TMOD1: variants seen among roughly 807,000 people sequenced by gnomAD.
The protein encoded by TMOD1 is tropomodulin-1.
Under a neutral mutation model 40.6 loss-of-function variants are expected in TMOD1, and 17 were observed. The ratio of observed to expected loss-of-function variants is 0.42; its 90% CI spans 0.29 to 0.63. The LOEUF (loss-of-function observed/expected upper bound fraction) is 0.63. Ranked by LOEUF, TMOD1 falls within the 20% of genes least tolerant of loss-of-function variation. The pLI, the probability that TMOD1 is intolerant of heterozygous loss-of-function variation, is 0.22. For synonymous variants in TMOD1, 181 were observed against 175.0 expected (o/e 1.03, Z -0.27); for missense variants, 391 against 447.6 (o/e 0.87, Z 1.14).
In TMOD1 at chr9:97,546,166, C is replaced by G. The variant is rs1018713459; in HGVS notation, c.121-19C>G. The G allele has an allele frequency of 1.9e-6, 3 of 1,594,910 alleles. No individual in the cohort carries two copies. ...TCTCTCTTTCTCTCTCTCCTGCCCC[C>G]CCACAACCTCCAATGTAGAATGCAC... On this transcript the variant is annotated intron_variant, in intron 2 of 9. Coordinates refer to ENST00000259365, the MANE Select transcript of TMOD1 (RefSeq NM_003275.4).
chr9:97,507,446 C>T (rs1829607156), intron 1 of TMOD1, among the ~76,000 whole-genome samples: 1 of 152,220 alleles, frequency 6.6e-6, no homozygotes, highest in Non-Finnish European at 1.5e-5. Context: ...AAAAAATAAA[C>T]TACATGACCA....
rs140570053 is a variant in TMOD1 at position 97,559,886 on chromosome 9, A to C, written c.398-2846A>C. 6.0e-3 allele frequency among the ~76,000 whole-genome samples: 842 copies of C among 141,172 alleles called. 6 individuals are homozygous for C. Among genetic ancestry groups the C allele is most frequent in the Non-Finnish European group, 9.5e-3 (631 of 66,208 alleles). The allele number at this position is 141,172 out of a possible 152,430, so 92.6% of individuals were successfully genotyped here. A position where few individuals can be genotyped will look rare whatever the true frequency, so the allele number is the denominator to read the frequency against. On this transcript the variant is annotated intron_variant, in intron 4 of 9. Transcript: ENST00000259365. ...TCTGATTGGTTGGTCCAGGATGGAG[A>C]GAGGCACTGATATGGTCTTAAAGCT... is the stretch of plus-strand genomic sequence containing the variant.
At position 97,600,057 on chromosome 9, in the gene TMOD1, C is replaced by CA. The variant is rs1018587209; in HGVS notation, c.*360dup. 9.4e-7 allele frequency: 1 copy of CA among 1,058,442 alleles called. No individual in the cohort carries two copies. The highest frequency in any genetic ancestry group is 1.6e-5 in the African/African-American group (1 of 61,346). The allele number at this position is 1,058,442 out of a possible 1,614,324, so 65.6% of individuals were successfully genotyped here. ...TCAAGTGCATTTAAAATGTGTGACA[C>CA]AGAAACGGCACACTCTTCCACATGC... On this transcript the variant is annotated 3_prime_UTR_variant, in exon 10 of 10. Coordinates refer to ENST00000259365, the MANE Select transcript of TMOD1 (RefSeq NM_003275.4).
At chr9:97,550,910 C>T (rs1319425579) in intron 3 of TMOD1, among the ~76,000 whole-genome samples, 2 of 148,260 alleles carry the variant, frequency 1.3e-5, no homozygotes, top group East Asian at 2.0e-4. Context: ...TTTTGTTGCT[C>T]GTGTTTTTGT....
chr9:97,555,617 C>T, intron 4 of TMOD1: 2 of 1,550,546 alleles, frequency 1.3e-6, no homozygotes, highest in Non-Finnish European at 1.7e-6. Context: ...ACCTTGGATG[C>T]CTGTCATTTG....
intron 1 of TMOD1, chr9:97,516,881 T>C (rs1486150537): frequency 1.3e-5 from 2 of 151,784 alleles, no homozygotes; most frequent in Admixed American, 6.6e-5. Context: ...TCTGAGAAAA[T>C]GAAAAAGTTC....
chr9:97,588,987 T>C (rs1181301699), intron 8 of TMOD1, among the ~76,000 whole-genome samples: 1 of 151,494 alleles, frequency 6.6e-6, no homozygotes, highest in Non-Finnish European at 1.5e-5. Context: ...TATGGTGGCA[T>C]GCGCCTGTAA....
At chr9:97,580,943 CTTTT>C (rs34253873) in intron 8 of TMOD1, among the ~76,000 whole-genome samples, 4 of 136,460 alleles carry the variant, frequency 2.9e-5, no homozygotes, top group African/African-American at 1.1e-4. Flanking sequence ...TTTGGACTGG[CTTTT>C]TTTTTTTCAC....
chr9:97,544,965 C>T (rs773712799), intron 2 of TMOD1, among the ~76,000 whole-genome samples: 5 of 150,196 alleles, frequency 3.3e-5, no homozygotes, highest in South Asian at 2.1e-4. Context: ...GCCGAGATTG[C>T]GCCACTGCAT....
chr9:97,565,638 T>C (rs964842682), intron 6 of TMOD1, among the ~76,000 whole-genome samples: 1 of 152,224 alleles, frequency 6.6e-6, no homozygotes, highest in Non-Finnish European at 1.5e-5. Context: ...AGGTCTTATC[T>C]GAAATTTTCA....
At chr9:97,547,191 G>T (rs986934518) in intron 3 of TMOD1, among the ~76,000 whole-genome samples, 1 of 152,142 alleles carries the variant, frequency 6.6e-6, no homozygotes, top group Non-Finnish European at 1.5e-5. Flanking sequence ...AAGACTTCCC[G>T]TTGCTCTCCA....
chr9:97,565,958 A>G lies in TMOD1; in HGVS notation c.726+3A>G. On this transcript the variant is annotated splice_donor_region_variant and intron_variant, in intron 7 of 9. Transcript: ENST00000259365. ...GGAGTAATGACCCCGTGGCGTATGTATGTACCTTTCTGTTCTGTTGCATTG... is the reference window on the plus strand; with the variant it reads ...GGAGTAATGACCCCGTGGCGTATGTGTGTACCTTTCTGTTCTGTTGCATTG... 6.2e-7 allele frequency: 1 copy of G among 1,612,860 alleles called. No homozygotes were observed. The highest frequency in any genetic ancestry group is 8.5e-7 in the Non-Finnish European group (1 of 1,178,862).
Position 97,562,620 on chromosome 9 carries a change from A to T in TMOD1, c.398-112A>T, listed in dbSNP as rs1587944656. The T allele has an allele frequency of 1.8e-5, 12 of 684,928 alleles. No individual in the cohort carries two copies. The East Asian group carries it at 3.6e-4, about 21-fold the overall frequency. 42.4% of individuals were successfully genotyped at this position (684,928 alleles called of 1,614,324 possible). ...AATAAAATTTTGAAGTTTTCATGCAAGTGTTTCTTGCCATTTCTGTGAGCC... is the reference window on the plus strand; with the variant it reads ...AATAAAATTTTGAAGTTTTCATGCATGTGTTTCTTGCCATTTCTGTGAGCC... On this transcript the variant is annotated intron_variant, in intron 4 of 9. Coordinates refer to ENST00000259365, the MANE Select transcript of TMOD1 (RefSeq NM_003275.4).
At chr9:97,532,636 C>A (rs1587925347) in intron 2 of TMOD1, among the ~76,000 whole-genome samples, 1 of 151,754 alleles carries the variant, frequency 6.6e-6, no homozygotes, top group East Asian at 1.9e-4. Flanking sequence ...AAAAAGAAAT[C>A]ACTACAGATA....
intron 7 of TMOD1, 85 bp from the exon 8 acceptor site, chr9:97,568,808 CT>C (rs932074929): frequency 6.7e-7 from 1 of 1,501,954 alleles, no homozygotes. Context: ...TCCTGTTCCC[CT>C]AGGTGTCTTA....
In TMOD1 at chr9:97,600,410, G is replaced by A. The variant is rs987356798; in HGVS notation, c.*712G>A. ...AAACATGTCCCTGAGTGTTCTTTAA[G>A]AACATTTGGGATTTATGTACAATTT... On this transcript the variant is annotated 3_prime_UTR_variant, in exon 10 of 10. Transcript: ENST00000259365. 1 of 985,618 alleles carries A rather than the reference G, an allele frequency of 1.0e-6. No homozygotes were observed. Among genetic ancestry groups the A allele is most frequent in the Non-Finnish European group, 1.2e-6 (1 of 830,098 alleles). The allele number at this position is 985,618 out of a possible 1,614,324, so 61.1% of individuals were successfully genotyped here.
intron 2 of TMOD1, among the ~76,000 whole-genome samples, chr9:97,545,233 C>A (rs1248129459): frequency 6.6e-6 from 1 of 152,176 alleles, no homozygotes; most frequent in Admixed American, 6.5e-5. Context: ...TCCTGAAATT[C>A]CTTGGGCAAA....
intron 1 of TMOD1, among the ~76,000 whole-genome samples, chr9:97,514,066 A>ATT (rs199672940): frequency 1.4e-5 from 2 of 146,030 alleles, no homozygotes; most frequent in African/African-American, 2.5e-5. Context: ...ACTGTCTTAA[A>ATT]TTTTTTTTTT....
At chr9:97,575,263 C>G (rs1217770497) in intron 8 of TMOD1, among the ~76,000 whole-genome samples, 3 of 152,266 alleles carry the variant, frequency 2.0e-5, no homozygotes, top group Admixed American at 6.5e-5. Flanking sequence ...ACACTCACCG[C>G]GAAGGCCTGC....
Sources: gnomAD v4.1 joint callset for allele counts (sites outside exome capture counted in the v4.1 genomes callset) on GRCh38, gnomAD v4.1.1 for gene constraint, MANE v1.5 for transcripts, NCBI Gene and HGNC (gene_info 2026-07-23, HGNC 2026-07-21) for gene names.